The following SUGCT variants were observed in gnomAD, a reference collection of about 807,000 sequenced individuals.
SUGCT encodes the protein succinyl-CoA:glutarate-CoA transferase.
Under a neutral mutation model 55.0 loss-of-function variants are expected in SUGCT, and 41 were observed. The ratio of observed to expected loss-of-function variants is 0.74; its 90% CI spans 0.58 to 0.97. The LOEUF (loss-of-function observed/expected upper bound fraction) is 0.97. Ranked by LOEUF, SUGCT falls within the 50% of genes least tolerant of loss-of-function variation. The pLI, the probability that SUGCT is intolerant of heterozygous loss-of-function variation, is 0.00. For missense variants in SUGCT, 568 were observed against 547.8 expected (o/e 1.04, Z -0.37); for synonymous variants, 187 against 200.4 (o/e 0.93, Z 0.56).
At chr7:40,880,643 G>T in the SUGCT span, among the ~76,000 whole-genome samples, 1 of 152,132 alleles carries the variant, frequency 6.6e-6, no homozygotes, top group Non-Finnish European at 1.5e-5. Context: ...TGAGAACTGA[G>T]TAAAATTTCA....
intron 9 of SUGCT, among the ~76,000 whole-genome samples, chr7:40,418,984 C>T (rs1212226894): frequency 6.6e-6 from 1 of 152,066 alleles, no homozygotes; most frequent in African/African-American, 2.4e-5. Flanking sequence ...TACTCTCTGC[C>T]TACGGTAGAG....
At chr7:40,989,468 C>T in the SUGCT span, among the ~76,000 whole-genome samples, 1 of 152,052 alleles carries the variant, frequency 6.6e-6, no homozygotes, top group South Asian at 2.1e-4. Context: ...TTTGCTCATC[C>T]ATAAGAAACA....
chr7:40,899,409 AG>A, the SUGCT span, among the ~76,000 whole-genome samples: 4 of 152,200 alleles, frequency 2.6e-5, no homozygotes, highest in Non-Finnish European at 5.9e-5. Context: ...GCTGCGCCAA[AG>A]CCTCTTTGCT....
the SUGCT span, among the ~76,000 whole-genome samples, chr7:40,909,107 A>T: frequency 3.3e-5 from 5 of 152,322 alleles, no homozygotes; most frequent in South Asian, 1.0e-3. Flanking sequence ...TACTGCAAGC[A>T]CAATCATAAA....
At chr7:41,036,069 G>A in the SUGCT span, among the ~76,000 whole-genome samples, 1 of 152,226 alleles carries the variant, frequency 6.6e-6, no homozygotes, top group Non-Finnish European at 1.5e-5. Context: ...CCTTCAGGGA[G>A]GACTCAGGTC....
At position 40,609,362 on chromosome 7, in the gene SUGCT, C is replaced by T. The variant is rs867656206; in HGVS notation, c.1089+112976C>T. ...CGGGCGGATCACGAGGTCAGGAGAT[C>T]GAGACCATCCTGGCTAACACGGTGA... On this transcript the variant is annotated intron_variant, in intron 12 of 13. Transcript: ENST00000335693. Among the ~76,000 whole-genome samples the T allele has an allele frequency of 4.0e-5, 6 of 151,826 alleles. No individual in the cohort carries two copies. The South Asian group carries it at 6.2e-4, about 16-fold the overall frequency.
intron 13 of SUGCT, among the ~76,000 whole-genome samples, chr7:40,770,029 C>T (rs532592131): frequency 9.2e-5 from 14 of 152,174 alleles, no homozygotes; most frequent in Middle Eastern, 3.4e-3. Context: ...CTAATTAAAT[C>T]GAATTTTCTT....
intron 3 of SUGCT, among the ~76,000 whole-genome samples, chr7:40,187,215 C>G (rs953022613): frequency 6.6e-6 from 1 of 152,074 alleles, no homozygotes; most frequent in Non-Finnish European, 1.5e-5. Context: ...TGTTCTCACT[C>G]ATAGGTGGGA....
At chr7:40,167,928 T>G (rs1447479302) in intron 1 of SUGCT, among the ~76,000 whole-genome samples, 2 of 152,012 alleles carry the variant, frequency 1.3e-5, no homozygotes. Flanking sequence ...AAAACAGAGC[T>G]CTCATACAAT....
intron 13 of SUGCT, among the ~76,000 whole-genome samples, chr7:40,814,821 T>C (rs753399695): frequency 6.6e-5 from 10 of 152,206 alleles, no homozygotes; most frequent in Non-Finnish European, 1.3e-4. Context: ...CTAGCACTTC[T>C]AATTTTTATA....
the SUGCT span, among the ~76,000 whole-genome samples, chr7:40,985,296 C>T: frequency 6.6e-6 from 1 of 152,088 alleles, no homozygotes; most frequent in African/African-American, 2.4e-5. Flanking sequence ...TTATGGAGCA[C>T]CTGGTTGGGG....
intron 12 of SUGCT, among the ~76,000 whole-genome samples, chr7:40,632,513 C>A (rs1177070585): frequency 1.4e-5 from 2 of 145,784 alleles, no homozygotes; most frequent in African/African-American, 5.1e-5. Flanking sequence ...CCTAGTCACT[C>A]AACATGAAGA....
At chr7:40,237,994 A>G (rs1789123414) in intron 7 of SUGCT, among the ~76,000 whole-genome samples, 1 of 152,376 alleles carries the variant, frequency 6.6e-6, no homozygotes, top group Non-Finnish European at 1.5e-5. Flanking sequence ...GCAAGAAGCC[A>G]TAGATCAGAT....
intron 9 of SUGCT, among the ~76,000 whole-genome samples, chr7:40,334,795 G>T (rs1796583383): frequency 6.6e-6 from 1 of 152,154 alleles, no homozygotes; most frequent in Admixed American, 6.5e-5. Context: ...TGTTGCCATT[G>T]CTTTTGGTGT....
intron 13 of SUGCT, among the ~76,000 whole-genome samples, chr7:40,758,502 G>T (rs771505241): frequency 2.7e-4 from 41 of 151,976 alleles, no homozygotes; most frequent in African/African-American, 9.7e-5. Context: ...AAAACCTTCA[G>T]ATACCTTACT....
intron 9 of SUGCT, among the ~76,000 whole-genome samples, chr7:40,384,794 C>T (rs767629053): frequency 6.6e-6 from 1 of 152,066 alleles, no homozygotes; most frequent in Non-Finnish European, 1.5e-5. Flanking sequence ...ATCCGCGTGC[C>T]TTGGCCTCCC....
intron 1 of SUGCT, among the ~76,000 whole-genome samples, chr7:40,142,552 G>A (rs1436540382): frequency 6.6e-6 from 1 of 152,188 alleles, no homozygotes; most frequent in African/African-American, 2.4e-5. Flanking sequence ...ACAAGAGTAA[G>A]TACACCCATT....
chr7:40,529,698 C>T (rs536973176), intron 12 of SUGCT, among the ~76,000 whole-genome samples: 3 of 151,226 alleles, frequency 2.0e-5, no homozygotes, highest in South Asian at 4.2e-4. Flanking sequence ...ATTTTTTTTT[C>T]CATGTATAAG....
At chr7:40,237,614 T>G (rs1290876560) in intron 6 of SUGCT, 21 bp from the exon 7 acceptor site, 1 of 1,597,308 alleles carries the variant, frequency 6.3e-7, no homozygotes, top group Non-Finnish European at 8.6e-7. Context: ...GTGCTGAATA[T>G]GTTTATTTTT....
Sources: allele counts gnomAD v4.1 joint callset (sites outside exome capture counted in the v4.1 genomes callset), GRCh38; gene constraint gnomAD v4.1.1; transcripts MANE v1.5; gene names NCBI Gene and HGNC (gene_info 2026-07-23, HGNC 2026-07-21).